The following RIMS1 variants were observed in gnomAD, a reference collection of about 807,000 sequenced individuals.
RIMS1 encodes regulating synaptic membrane exocytosis 1.
RIMS1 carries 83 observed loss-of-function variants against 214.1 expected under a neutral mutation model. That is an observed-to-expected ratio of 0.39 (90% CI 0.32 to 0.47). The LOEUF is 0.47. Among genes scored for constraint, RIMS1 ranks in the 20% least tolerant of loss-of-function variants. RIMS1 has a pLI of 0.99. For missense variants in RIMS1, 2,050 were observed against 2,161.8 expected (o/e 0.95, Z 1.03); for synonymous variants, 793 against 786.8 (o/e 1.01, Z -0.13).
intron 6 of RIMS1, among the ~76,000 whole-genome samples, chr6:72,196,998 T>G (rs1488180383): frequency 1.3e-5 from 2 of 152,062 alleles, no homozygotes; most frequent in Non-Finnish European, 2.9e-5. Flanking sequence ...CTTTATTGCC[T>G]TGCACACACT....
chr6:72,234,887 T>C (rs1220422083), intron 7 of RIMS1, among the ~76,000 whole-genome samples: 1 of 152,126 alleles, frequency 6.6e-6, no homozygotes, highest in Non-Finnish European at 1.5e-5. Context: ...CCCTGTCTTT[T>C]TGTGGTTTGA....
chr6:71,978,776 A>T (rs1348782446), intron 2 of RIMS1, among the ~76,000 whole-genome samples: 1 of 152,148 alleles, frequency 6.6e-6, no homozygotes, highest in Non-Finnish European at 1.5e-5. Flanking sequence ...CACAGGCTAT[A>T]GTTGTATTAC....
intron 4 of RIMS1, among the ~76,000 whole-genome samples, chr6:72,129,833 C>T (rs895202028): frequency 6.6e-6 from 1 of 151,956 alleles, no homozygotes; most frequent in African/African-American, 2.4e-5. Context: ...CAAATGGTCT[C>T]GAGAAACATA....
At chr6:72,376,737 ACT>A (rs2098392571) in intron 29 of RIMS1, among the ~76,000 whole-genome samples, 1 of 144,078 alleles carries the variant, frequency 6.9e-6, no homozygotes, top group South Asian at 2.3e-4. Flanking sequence ...ACAGAGAGAG[ACT>A]CTGTCTCAAA....
chr6:72,175,494 G>A (rs552673114), intron 4 of RIMS1: 7 of 199,358 alleles, frequency 3.5e-5, no homozygotes, highest in African/African-American at 1.4e-4. Context: ...CCAACATGGT[G>A]AAACACCGTC....
At chr6:72,348,493 C>T (rs1327182354) in intron 29 of RIMS1, among the ~76,000 whole-genome samples, 2 of 151,782 alleles carry the variant, frequency 1.3e-5, no homozygotes, top group Non-Finnish European at 1.5e-5. Context: ...ACATTGCTCT[C>T]GATAGATTTA....
intron 2 of RIMS1, among the ~76,000 whole-genome samples, chr6:72,024,359 T>C (rs1482788006): frequency 1.3e-5 from 2 of 152,262 alleles, no homozygotes; most frequent in East Asian, 3.9e-4. Context: ...TTTGACTTTA[T>C]CAAAATTTAC....
chr6:72,089,149 G>A (rs1450570916), intron 2 of RIMS1, among the ~76,000 whole-genome samples: 1 of 152,090 alleles, frequency 6.6e-6, no homozygotes, highest in African/African-American at 2.4e-5. Context: ...GAAGTCTTAC[G>A]AAAAAGCTAG....
rs762649606 is a variant in RIMS1, at chr6:72,264,997, A to T, written c.3139A>T (p.Thr1047Ser). 4 of 1,597,286 alleles carry T rather than the reference A, an allele frequency of 2.5e-6. No individual in the cohort carries two copies. In the South Asian group the frequency reaches 4.5e-5, roughly 18 times the overall value. Reference sequence around the variant, plus strand: ...CAGACATCTTGTTAGGCACTATAAAACATTACCTCCCAAGATGCCTTTATT... The same window carrying T: ...CAGACATCTTGTTAGGCACTATAAATCATTACCTCCCAAGATGCCTTTATT... ...TTRHLVRHYK[T>S]LPPKMPLLQS... Residue 1047 changes from threonine to serine, a missense_variant, in exon 20 of 34, where the codon ACA becomes TCA. Transcript: ENST00000521978.
intron 29 of RIMS1, among the ~76,000 whole-genome samples, chr6:72,355,622 G>C (rs1355209681): frequency 6.6e-6 from 1 of 152,126 alleles, no homozygotes; most frequent in Non-Finnish European, 1.5e-5. Context: ...CAGCAGTTAT[G>C]TTATCAGGTT....
At chr6:72,124,244 C>A (rs570578405) in intron 4 of RIMS1, among the ~76,000 whole-genome samples, 33 of 151,894 alleles carry the variant, frequency 2.2e-4, no homozygotes, top group African/African-American at 7.7e-4. Context: ...CTTAGTTTGG[C>A]TGGATATGAA....
chr6:72,328,394 T>C (rs2154333554), intron 28 of RIMS1, among the ~76,000 whole-genome samples: 1 of 151,898 alleles, frequency 6.6e-6, no homozygotes, highest in South Asian at 2.1e-4. Flanking sequence ...CGTATATACC[T>C]ATGTAACAAA....
intron 2 of RIMS1, among the ~76,000 whole-genome samples, chr6:72,071,628 A>G (rs935290367): frequency 6.6e-6 from 1 of 152,220 alleles, no homozygotes; most frequent in Non-Finnish European, 1.5e-5. Context: ...TTTAGTTGAC[A>G]TTAAGTTCAA....
intron 2 of RIMS1, among the ~76,000 whole-genome samples, chr6:72,080,074 T>TAAAAAAAAAAA (rs770845471): frequency 8.9e-5 from 2 of 22,402 alleles, no homozygotes. Context: ...GTGTCTCTAC[T>TAAAAAAAAAAA]AAAAAAAAAA....
intron 31 of RIMS1, among the ~76,000 whole-genome samples, chr6:72,395,760 A>G (rs959663626): frequency 6.6e-6 from 1 of 151,986 alleles, no homozygotes; most frequent in African/African-American, 2.4e-5. Context: ...ACATGTTTCT[A>G]GCATAAAAGA....
In RIMS1 at chr6:71,886,901, C is replaced by A; in HGVS notation, c.-123C>A. The A allele has an allele frequency of 8.9e-7, 1 of 1,128,938 alleles. No individual in the cohort carries two copies. The allele number at this position is 1,128,938 out of a possible 1,614,324, so 69.9% of individuals were successfully genotyped here. A position where few individuals can be genotyped will look rare whatever the true frequency, so the allele number is the denominator to read the frequency against. ...GCTGCTGCTGCCGCCGCCGCCGCTG[C>A]TCCTCCTCCTGCCGCCGCCGCTAGG... On this transcript the variant is annotated 5_prime_UTR_variant, in exon 1 of 34. Coordinates refer to ENST00000521978, the MANE Select transcript of RIMS1 (RefSeq NM_014989.7).
intron 4 of RIMS1, among the ~76,000 whole-genome samples, chr6:72,146,281 C>G (rs1034376915): frequency 1.3e-5 from 2 of 152,172 alleles, no homozygotes; most frequent in Admixed American, 6.5e-5. Flanking sequence ...AAATCTGTCA[C>G]GTGTCTTTCC....
intron 2 of RIMS1, among the ~76,000 whole-genome samples, chr6:71,990,004 T>C (rs921459492): frequency 6.6e-6 from 1 of 152,204 alleles, no homozygotes; most frequent in Non-Finnish European, 1.5e-5. Flanking sequence ...TCCTCACTGT[T>C]CAGCCCCCAG....
Position 72,277,914 on chromosome 6 carries a change from A to G in RIMS1, c.3482+3482A>G, listed in dbSNP as rs543359954. On this transcript the variant is annotated intron_variant, in intron 23 of 33. Coordinates refer to ENST00000521978, the MANE Select transcript of RIMS1 (RefSeq NM_014989.7). ...CCATTTAGAAAAAATATATTTTAATATGGCCCTGAAGCATCAGAGTTCTGA... is the reference window on the plus strand; with the variant it reads ...CCATTTAGAAAAAATATATTTTAATGTGGCCCTGAAGCATCAGAGTTCTGA... Among the ~76,000 whole-genome samples the G allele has an allele frequency of 2.2e-4, 33 of 152,290 alleles. 1 individual carries two copies. In the South Asian group the frequency reaches 6.6e-3, roughly 31 times the overall value.
Sources: gnomAD v4.1 joint callset for allele counts (sites outside exome capture counted in the v4.1 genomes callset) on GRCh38, gnomAD v4.1.1 for gene constraint, MANE v1.5 for transcripts, NCBI Gene and HGNC (gene_info 2026-07-23, HGNC 2026-07-21) for gene names.